The following C1QTNF3 variants were observed in gnomAD, a reference collection of about 807,000 sequenced individuals.
The protein encoded by C1QTNF3 is C1q and TNF related 3, also known as complement C1q tumor necrosis factor-related protein 3.
In C1QTNF3, 26 loss-of-function variants were observed where a neutral mutation model predicts 32.6. The ratio of observed to expected loss-of-function variants is 0.80; its 90% CI spans 0.58 to 1.11. The LOEUF is 1.11. Among genes scored for constraint, C1QTNF3 ranks in the 50% least tolerant of loss-of-function variants. C1QTNF3 has a pLI of 0.00. For missense variants in C1QTNF3, 362 were observed against 398.2 expected (o/e 0.91, Z 0.77); for synonymous variants, 155 against 146.0 (o/e 1.06, Z -0.44).
chr5:34,030,312 G>C (rs1246229682), intron 3 of C1QTNF3, among the ~76,000 whole-genome samples: 1 of 152,186 alleles, frequency 6.6e-6, no homozygotes, highest in African/African-American at 2.4e-5. Flanking sequence ...GATCAGCAAA[G>C]AGAATTAACT....
chr5:34,040,726 C>T (rs189180109), intron 1 of C1QTNF3, among the ~76,000 whole-genome samples: 24 of 152,184 alleles, frequency 1.6e-4, no homozygotes, highest in African/African-American at 5.5e-4. Context: ...AATGTCCCGT[C>T]GTCCCCCCAA....
the C1QTNF3 span, among the ~76,000 whole-genome samples, chr5:34,053,168 C>T: frequency 6.6e-6 from 1 of 152,098 alleles, no homozygotes; most frequent in Non-Finnish European, 1.5e-5. Context: ...TCACTGGATT[C>T]AGCAAATAAT....
the C1QTNF3 span, among the ~76,000 whole-genome samples, chr5:34,068,558 G>A: frequency 1.3e-5 from 2 of 152,160 alleles, no homozygotes; most frequent in African/African-American, 4.8e-5. Context: ...GAGAGAGAGA[G>A]AGAGATTTAA....
the C1QTNF3 span, among the ~76,000 whole-genome samples, chr5:34,105,533 A>C: frequency 6.6e-6 from 1 of 151,982 alleles, no homozygotes; most frequent in Non-Finnish European, 1.5e-5. Flanking sequence ...CAAGAAAGTA[A>C]ATGTCTTATG....
chr5:34,092,445 CCT>C, the C1QTNF3 span, among the ~76,000 whole-genome samples: 2 of 151,108 alleles, frequency 1.3e-5, no homozygotes, highest in African/African-American at 2.5e-5. Context: ...ATATATTTAA[CCT>C]CTCTTTAGCT....
At chr5:34,065,557 C>G in the C1QTNF3 span, among the ~76,000 whole-genome samples, 1 of 152,168 alleles carries the variant, frequency 6.6e-6, no homozygotes, top group African/African-American at 2.4e-5. Flanking sequence ...ATCCCAGCTA[C>G]TAGGGAGACT....
chr5:34,177,167 C>A, the C1QTNF3 span, among the ~76,000 whole-genome samples: 1 of 152,050 alleles, frequency 6.6e-6, no homozygotes, highest in East Asian at 1.9e-4. Context: ...CCAGCCTGGG[C>A]AACAGAGTGA....
chr5:34,213,814 T>TATATATATATAA, the C1QTNF3 span, among the ~76,000 whole-genome samples: 1 of 6,130 alleles, frequency 1.6e-4, no homozygotes, highest in African/African-American at 2.3e-4. Context: ...TATATATTTT[T>TATATATATATAA]TTTTTTTTGT....
chr5:34,144,683 T>G, the C1QTNF3 span, among the ~76,000 whole-genome samples: 1 of 152,144 alleles, frequency 6.6e-6, no homozygotes, highest in Non-Finnish European at 1.5e-5. Context: ...TGAATAACTC[T>G]TCAGAGAACA....
chr5:34,222,484 T>C, the C1QTNF3 span, among the ~76,000 whole-genome samples: 1 of 151,786 alleles, frequency 6.6e-6, no homozygotes, highest in Non-Finnish European at 1.5e-5. Flanking sequence ...GTATATTATA[T>C]ATAAAATGCA....
chr5:34,204,321 T>A, the C1QTNF3 span, among the ~76,000 whole-genome samples: 1 of 152,248 alleles, frequency 6.6e-6, no homozygotes, highest in African/African-American at 2.4e-5. Context: ...CATATGTTTA[T>A]CACAGCACTA....
At chr5:34,112,079 T>C in the C1QTNF3 span, among the ~76,000 whole-genome samples, 1 of 152,194 alleles carries the variant, frequency 6.6e-6, no homozygotes, top group Non-Finnish European at 1.5e-5. Flanking sequence ...GGACTCTCAA[T>C]AGGAGACCCT....
chr5:34,142,820 G>C, the C1QTNF3 span, among the ~76,000 whole-genome samples: 1 of 152,140 alleles, frequency 6.6e-6, no homozygotes, highest in African/African-American at 2.4e-5. Context: ...AAGAACACCA[G>C]CCCTCTCAGA....
chr5:34,099,210 A>G, the C1QTNF3 span, among the ~76,000 whole-genome samples: 1 of 152,150 alleles, frequency 6.6e-6, no homozygotes, highest in Non-Finnish European at 1.5e-5. Context: ...TTAGACTGTT[A>G]TTAACATTTA....
intron 4 of C1QTNF3, among the ~76,000 whole-genome samples, chr5:34,025,412 C>T (rs1425773468): frequency 6.6e-6 from 1 of 152,040 alleles, no homozygotes; most frequent in Non-Finnish European, 1.5e-5. Context: ...GACTAAAACA[C>T]CAGATGGTGA....
chr5:34,020,333 T>TC lies in C1QTNF3; in HGVS notation c.*249_*250insG. ...CGTCAGAGGAGAATTATCTTTTAGG[T>TC]GCCAAGGAAAGAGTGATAAAGATGC... On this transcript the variant is annotated 3_prime_UTR_variant, in exon 6 of 6. Transcript: ENST00000382065. The TC allele has an allele frequency of 5.4e-6, 2 of 372,182 alleles. No homozygotes were observed. The highest frequency in any genetic ancestry group is 8.4e-5 in the Admixed American group (2 of 23,736). The allele number at this position is 372,182 out of a possible 1,614,324, so 23.1% of individuals were successfully genotyped here.
At position 34,043,173 on chromosome 5, in the gene C1QTNF3, C is replaced by T. The variant is rs758431827; in HGVS notation, c.-48G>A. ...TCTCCCTGAGAAGACAGCAGAGCTCCAGGAGCGTGGTCTCCTCGGGCAGAT... is the reference window on the plus strand; with the variant it reads ...TCTCCCTGAGAAGACAGCAGAGCTCTAGGAGCGTGGTCTCCTCGGGCAGAT... On this transcript the variant is annotated 5_prime_UTR_variant, in exon 1 of 6. Transcript: ENST00000382065. 9.6e-6 allele frequency: 15 copies of T among 1,567,304 alleles called. No individual in the cohort carries two copies. The highest frequency in any genetic ancestry group is 1.2e-5 in the Non-Finnish European group (14 of 1,159,714).
the C1QTNF3 span, among the ~76,000 whole-genome samples, chr5:34,211,335 T>C: frequency 6.6e-6 from 1 of 152,142 alleles, no homozygotes. Flanking sequence ...CCTAGGATCT[T>C]AGATGAGTTT....
the C1QTNF3 span, among the ~76,000 whole-genome samples, chr5:34,136,163 C>T: frequency 6.6e-6 from 1 of 152,172 alleles, no homozygotes; most frequent in Non-Finnish European, 1.5e-5. Flanking sequence ...TCTAATTAAA[C>T]TAAAGAGCTT....
Sources: gnomAD v4.1 joint callset for allele counts (sites outside exome capture counted in the v4.1 genomes callset) on GRCh38, gnomAD v4.1.1 for gene constraint, MANE v1.5 for transcripts, NCBI Gene and HGNC (gene_info 2026-07-23, HGNC 2026-07-21) for gene names.